Variants in CYBB observed in about 807,000 individuals in gnomAD.
CYBB encodes the protein cytochrome b-245 beta chain, also known as NADPH oxidase 2.
In CYBB, 5 loss-of-function variants were observed where a neutral mutation model predicts 46.5. The ratio of observed to expected loss-of-function variants is 0.11; its 90% CI spans 0.06 to 0.23. CYBB has a LOEUF of 0.23. Among genes scored for constraint, CYBB ranks in the 10% least tolerant of loss-of-function variants. CYBB has a pLI of 1.00. For synonymous variants in CYBB, 183 were observed against 156.7 expected, an observed-to-expected ratio of 1.17 and a Z score of -1.26; for missense variants, 307 against 428.3, an observed-to-expected ratio of 0.72 and a Z score of 2.50.
intron 3 of CYBB, among the ~76,000 whole-genome samples, chrX:37,784,900 C>A (rs1929029679): frequency 9.0e-6 from 1 of 111,370 alleles, no homozygotes; most frequent in Non-Finnish European, 1.9e-5. Context: ...GGAGTTCATG[C>A]TTAATTTGGC....
At position 37,805,091 on chromosome X, in the gene CYBB, G is replaced by T; in HGVS notation, c.1237G>T (p.Val413Phe). The T allele has an allele frequency of 8.3e-7, 1 of 1,210,691 alleles. No homozygotes were observed. The highest frequency in any genetic ancestry group is 1.1e-6 in the Non-Finnish European group (1 of 894,502). ...GATGTTAGTGGGAGCAGGGATTGGG[G>T]TCACACCCTTCGCATCCATTCTCAA... is the stretch of plus-strand genomic sequence containing the variant. ...VVMLVGAGIG[V>F]TPFASILKSV... Residue 413 changes from valine to phenylalanine, a missense_variant, in exon 10 of 13, where the codon GTC becomes TTC. Val to Phe is a conservative substitution (Grantham distance 50). This residue lies in a region of CYBB where 122 missense variants were observed against 208.3 expected (regional missense o/e 0.59). Coordinates refer to ENST00000378588, the MANE Select transcript of CYBB (RefSeq NM_000397.4).
At chrX:37,800,338 C>G (rs1439730011) in intron 7 of CYBB, among the ~76,000 whole-genome samples, 2 of 111,638 alleles carry the variant, frequency 1.8e-5, no homozygotes, top group Non-Finnish European at 3.8e-5. Flanking sequence ...CAAAGGCCAA[C>G]AACAGAACAT....
At chrX:37,797,004 C>G (rs184976867) in intron 6 of CYBB, among the ~76,000 whole-genome samples, 1 of 111,112 alleles carries the variant, frequency 9.0e-6, no homozygotes, top group Admixed American at 9.6e-5. Context: ...AGTTTCATAC[C>G]ACCTGCACAC....
At chrX:37,809,822 C>A in intron 12 of CYBB, 131 bp downstream of exon 12, 1 of 641,660 alleles carries the variant, frequency 1.6e-6, no homozygotes, top group Non-Finnish European at 2.4e-6. Context: ...GAATTCATGC[C>A]CAACAGAAGA....
At chrX:37,808,733 G>C (rs782351276) in intron 11 of CYBB, among the ~76,000 whole-genome samples, 7 of 112,509 alleles carry the variant, frequency 6.2e-5, no homozygotes, top group African/African-American at 2.3e-4. Flanking sequence ...AAAATCTATA[G>C]TATATAAATT....
chrX:37,780,515 T>C (rs1224351228), intron 1 of CYBB, among the ~76,000 whole-genome samples: 2 of 111,591 alleles, frequency 1.8e-5, no homozygotes, highest in Non-Finnish European at 3.8e-5. Context: ...ATAAAAAATA[T>C]AAGATTGACT....
chrX:37,806,035 G>A (rs1569480111), intron 10 of CYBB, among the ~76,000 whole-genome samples: 1 of 112,026 alleles, frequency 8.9e-6, no homozygotes, highest in Non-Finnish European at 1.9e-5. Flanking sequence ...AATTTCTGTG[G>A]CAATCCCTGC....
At chrX:37,801,862 A>G (rs1929452371) in intron 8 of CYBB, among the ~76,000 whole-genome samples, 1 of 110,657 alleles carries the variant, frequency 9.0e-6, no homozygotes, top group Non-Finnish European at 1.9e-5. Flanking sequence ...TCTAATAGGA[A>G]AGTTGAAGTG....
chrX:37,793,909 A>AGTTGGCTAACC, intron 5 of CYBB, 99 bp downstream of exon 5: 2 of 844,685 alleles, frequency 2.4e-6, no homozygotes, highest in Non-Finnish European at 1.7e-6. Flanking sequence ...AAAAAAAAAA[A>AGTTGGCTAACC]AGTTGGCTAA....
chrX:37,797,853 G>A (rs1929346117), intron 6 of CYBB, among the ~76,000 whole-genome samples: 1 of 111,686 alleles, frequency 9.0e-6, no homozygotes, highest in South Asian at 3.7e-4. Context: ...AAACACAATT[G>A]TTTTCACCAA....
intron 11 of CYBB, 96 bp downstream of exon 11, chrX:37,806,629 C>G: frequency 2.3e-6 from 2 of 857,640 alleles, no homozygotes; most frequent in Non-Finnish European, 3.4e-6. Context: ...ACTATTTTTT[C>G]TAAGTATGTT....
chrX:37,810,705 C>A, intron 12 of CYBB, 86 bp from the exon 13 acceptor site: 1 of 1,045,158 alleles, frequency 9.6e-7, no homozygotes, highest in Non-Finnish European at 1.3e-6. Context: ...GCCCTGGGGC[C>A]TCAAATTAAC....
intron 11 of CYBB, among the ~76,000 whole-genome samples, chrX:37,806,892 G>C (rs28611484): frequency 9.7e-6 from 1 of 103,230 alleles, no homozygotes; most frequent in Non-Finnish European, 1.9e-5. Flanking sequence ...CTCTCTCTCT[G>C]TCTCTGTGTG....
Position 37,791,827 on chromosome X carries a change from C to T in CYBB, c.253-148C>T. The T allele has an allele frequency of 6.1e-6, 3 of 489,901 alleles. No homozygotes were observed. In the South Asian group the frequency reaches 8.3e-5, roughly 14 times the overall value. The allele number at this position is 489,901 out of a possible 1,213,427, so 40.4% of individuals were successfully genotyped here. A position where few individuals can be genotyped will look rare whatever the true frequency, so the allele number is the denominator to read the frequency against. ...AAGATGACTGCATCTCTCTGAACCT[C>T]AGTTTCCTCATTTATCAAATAGATA... On this transcript the variant is annotated intron_variant, in intron 3 of 12. Coordinates refer to ENST00000378588, the MANE Select transcript of CYBB (RefSeq NM_000397.4).
intron 3 of CYBB, among the ~76,000 whole-genome samples, chrX:37,784,959 C>A (rs1929031422): frequency 8.9e-6 from 1 of 112,015 alleles, no homozygotes; most frequent in African/African-American, 3.2e-5. Flanking sequence ...TAATAACAAG[C>A]ATAACTTGCC....
At chrX:37,794,544 G>A (rs1287978092) in intron 5 of CYBB, among the ~76,000 whole-genome samples, 1 of 111,407 alleles carries the variant, frequency 9.0e-6, no homozygotes, top group African/African-American at 3.3e-5. Context: ...TTAGTGTAAG[G>A]CCAGCCACCA....
intron 7 of CYBB, among the ~76,000 whole-genome samples, chrX:37,800,246 C>T: frequency 9.0e-6 from 1 of 111,698 alleles, no homozygotes; most frequent in South Asian, 3.7e-4. Flanking sequence ...CCAAATCTGG[C>T]TCCATTCAGT....
At chrX:37,793,348 G>A (rs1251860546) in intron 4 of CYBB, among the ~76,000 whole-genome samples, 3 of 110,027 alleles carry the variant, frequency 2.7e-5, no homozygotes, top group Non-Finnish European at 5.7e-5. Flanking sequence ...CAGAAACTAA[G>A]GCTATTGTGT....
intron 7 of CYBB, 82 bp downstream of exon 7, chrX:37,799,166 T>TA: frequency 1.3e-5 from 12 of 892,619 alleles, no homozygotes; most frequent in Non-Finnish European, 2.0e-5. Flanking sequence ...ACAGATGTTA[T>TA]ACATCTATAT....
Sources: gnomAD v4.1 joint callset for allele counts (sites outside exome capture counted in the v4.1 genomes callset) on GRCh38, gnomAD v4.1.1 for gene constraint, gnomAD v4.1.1 regional missense constraint, MANE v1.5 for transcripts, NCBI Gene and HGNC (gene_info 2026-07-23, HGNC 2026-07-21) for gene names.